Variants in IMMP2L observed in about 807,000 individuals in gnomAD.
IMMP2L encodes the protein inner mitochondrial membrane peptidase subunit 2.
IMMP2L carries 18 observed loss-of-function variants against 19.3 expected under a neutral mutation model. That is an observed-to-expected ratio of 0.93 (90% CI 0.64 to 1.38). IMMP2L has a LOEUF of 1.38. Among genes scored for constraint, IMMP2L ranks in the 40% most tolerant of loss-of-function variants. The pLI is 0.00. For synonymous variants in IMMP2L, 76 were observed against 73.0 expected (o/e 1.04, Z -0.21); for missense variants, 233 against 218.2 (o/e 1.07, Z -0.43).
intron 3 of IMMP2L, among the ~76,000 whole-genome samples, chr7:111,184,429 G>T (rs1808049581): frequency 6.6e-6 from 1 of 151,958 alleles, no homozygotes; most frequent in South Asian, 2.1e-4. Context: ...TGAAGTCAGT[G>T]ACAATTATAT....
At chr7:111,545,542 T>G (rs529506459) in intron 1 of IMMP2L, among the ~76,000 whole-genome samples, 17 of 151,990 alleles carry the variant, frequency 1.1e-4, no homozygotes, top group Admixed American at 7.2e-4. Context: ...AGGCCACCAT[T>G]CCCAGCTAAC....
intron 5 of IMMP2L, among the ~76,000 whole-genome samples, chr7:110,867,574 G>C (rs1387327031): frequency 6.6e-6 from 1 of 151,894 alleles, no homozygotes; most frequent in Admixed American, 6.6e-5. Context: ...TAAATAACAT[G>C]ACTATTACCA....
intron 3 of IMMP2L, among the ~76,000 whole-genome samples, chr7:111,273,633 C>G (rs1818715709): frequency 6.6e-6 from 1 of 152,108 alleles, no homozygotes; most frequent in Admixed American, 6.6e-5. Flanking sequence ...AGGGGACATT[C>G]ATTCCACCTG....
At chr7:110,745,814 C>T (rs1797301028) in intron 5 of IMMP2L, among the ~76,000 whole-genome samples, 1 of 152,160 alleles carries the variant, frequency 6.6e-6, no homozygotes, top group Non-Finnish European at 1.5e-5. Context: ...ATTGTAAAGA[C>T]CATCGACACT....
chr7:111,365,453 G>A (rs1829679250), intron 3 of IMMP2L, among the ~76,000 whole-genome samples: 1 of 151,948 alleles, frequency 6.6e-6, no homozygotes, highest in Non-Finnish European at 1.5e-5. Flanking sequence ...CTACAACATG[G>A]CAGCCAGTCC....
Position 110,727,191 on chromosome 7 carries a change from C to T in IMMP2L, c.409-63470G>A, listed in dbSNP as rs965610513. On this transcript the variant is annotated intron_variant, in intron 5 of 5. Coordinates refer to ENST00000405709, the MANE Select transcript of IMMP2L (RefSeq NM_032549.4). This position sits in a 1 kb window ranked among gnomAD's most constrained non-coding sequence, Gnocchi z 4.3. ...TCACCTGAGGTCAGGAGTTTGAGACCTGCCTGACCAACATGGTGAAACCAC... is the reference window on the plus strand; with the variant it reads ...TCACCTGAGGTCAGGAGTTTGAGACTTGCCTGACCAACATGGTGAAACCAC... Among the ~76,000 whole-genome samples the T allele has an allele frequency of 1.3e-5, 2 of 152,076 alleles. No homozygotes were observed. Among genetic ancestry groups the T allele is most frequent in the Non-Finnish European group, 1.5e-5 (1 of 68,030 alleles).
chr7:111,440,983 C>G (rs1380152213), intron 3 of IMMP2L, among the ~76,000 whole-genome samples: 1 of 151,864 alleles, frequency 6.6e-6, no homozygotes, highest in Non-Finnish European at 1.5e-5. Flanking sequence ...TAGCTTCAAA[C>G]TTTTCTTCTG....
At chr7:111,420,440 A>T (rs967932183) in intron 3 of IMMP2L, among the ~76,000 whole-genome samples, 7 of 151,810 alleles carry the variant, frequency 4.6e-5, no homozygotes, top group Non-Finnish European at 1.0e-4. Context: ...GTTCTAGGGT[A>T]CATGTGCACA....
At chr7:111,004,886 T>C (rs1459651406) in intron 3 of IMMP2L, among the ~76,000 whole-genome samples, 1 of 152,164 alleles carries the variant, frequency 6.6e-6, no homozygotes, top group Non-Finnish European at 1.5e-5. Context: ...TTTTGAAATC[T>C]CAGGGTAGAT....
At chr7:110,935,954 T>G (rs1162607156) in intron 4 of IMMP2L, among the ~76,000 whole-genome samples, 1 of 152,100 alleles carries the variant, frequency 6.6e-6, no homozygotes, top group African/African-American at 2.4e-5. Context: ...GGGGAAAGGA[T>G]TCCCTATTTA....
intron 2 of IMMP2L, among the ~76,000 whole-genome samples, chr7:111,508,567 G>C (rs1341919418): frequency 6.6e-6 from 1 of 152,080 alleles, no homozygotes; most frequent in Non-Finnish European, 1.5e-5. Context: ...GGGTGGGAGG[G>C]GTATGGTTCC....
chr7:110,949,114 C>G (rs1417046464), intron 4 of IMMP2L, among the ~76,000 whole-genome samples: 8 of 152,158 alleles, frequency 5.3e-5, no homozygotes, highest in African/African-American at 1.9e-4. Context: ...ACTTCAGGGT[C>G]TCCAGCTTGC....
chr7:110,967,110 G>C (rs942537392), intron 3 of IMMP2L, among the ~76,000 whole-genome samples: 1 of 152,054 alleles, frequency 6.6e-6, no homozygotes, highest in South Asian at 2.1e-4. Context: ...AGACTTGGAT[G>C]AGGAGCCTAG....
chr7:110,992,547 GA>G (rs1310137927), intron 3 of IMMP2L, among the ~76,000 whole-genome samples: 1 of 151,666 alleles, frequency 6.6e-6, no homozygotes, highest in African/African-American at 2.4e-5. Context: ...AGCCATATTT[GA>G]AATTCAAATA....
At chr7:110,816,377 T>C (rs1015904823) in intron 5 of IMMP2L, among the ~76,000 whole-genome samples, 2 of 152,126 alleles carry the variant, frequency 1.3e-5, no homozygotes, top group Non-Finnish European at 2.9e-5. Flanking sequence ...AGGAGAGCTT[T>C]ACTTCCAACT....
chr7:111,539,471 A>C (rs1848328692), intron 1 of IMMP2L, among the ~76,000 whole-genome samples: 1 of 152,102 alleles, frequency 6.6e-6, no homozygotes, highest in Non-Finnish European at 1.5e-5. Context: ...GCTGATTTTT[A>C]GGAAGTGTTT....
intron 2 of IMMP2L, among the ~76,000 whole-genome samples, chr7:111,503,021 T>G (rs1241512591): frequency 6.6e-6 from 1 of 151,646 alleles, no homozygotes; most frequent in African/African-American, 2.4e-5. Flanking sequence ...AAAAAATTAA[T>G]GAATCCAGGA....
intron 5 of IMMP2L, among the ~76,000 whole-genome samples, chr7:110,682,506 T>C (rs937455912): frequency 6.6e-6 from 1 of 151,948 alleles, no homozygotes; most frequent in African/African-American, 2.4e-5. Flanking sequence ...CTGGAGAAAA[T>C]GTAGATTGGA....
At chr7:111,235,428 G>A (rs891602371) in intron 3 of IMMP2L, among the ~76,000 whole-genome samples, 1 of 151,170 alleles carries the variant, frequency 6.6e-6, no homozygotes, top group Admixed American at 6.6e-5. Context: ...CTGAGATCAT[G>A]CCATTGCATT....
Sources: gnomAD v4.1 joint callset for allele counts (sites outside exome capture counted in the v4.1 genomes callset) on GRCh38, gnomAD v4.1.1 for gene constraint, Gnocchi (gnomAD v3.1) non-coding constraint, MANE v1.5 for transcripts, NCBI Gene and HGNC (gene_info 2026-07-23, HGNC 2026-07-21) for gene names.